Variants in PDE7B observed in about 807,000 individuals in gnomAD.
PDE7B encodes 3',5'-cyclic-AMP phosphodiesterase 7B.
In PDE7B, 29 loss-of-function variants were observed where a neutral mutation model predicts 56.2. That is an observed-to-expected ratio of 0.52 (90% CI 0.38 to 0.70). PDE7B has a LOEUF of 0.70. Ranked by LOEUF, PDE7B falls within the 30% of genes least tolerant of loss-of-function variation. PDE7B has a pLI of 0.00. For synonymous variants in PDE7B, 197 were observed against 196.9 expected (o/e 1.00, Z 0.00); for missense variants, 490 against 565.0 (o/e 0.87, Z 1.35).
At chr6:135,914,263 GT>G (rs1406690840) in intron 1 of PDE7B, among the ~76,000 whole-genome samples, 2 of 151,928 alleles carry the variant, frequency 1.3e-5, no homozygotes, top group African/African-American at 4.8e-5. Flanking sequence ...AATTCCTTGA[GT>G]TTTGACAAGC....
intron 1 of PDE7B, among the ~76,000 whole-genome samples, chr6:135,868,126 A>T (rs1381697841): frequency 6.6e-6 from 1 of 152,088 alleles, no homozygotes; most frequent in Non-Finnish European, 1.5e-5. Context: ...TGAATCCCAA[A>T]TTATGTCATT....
At chr6:136,012,192 T>C (rs1775907085) in intron 2 of PDE7B, among the ~76,000 whole-genome samples, 2 of 152,090 alleles carry the variant, frequency 1.3e-5, no homozygotes, top group South Asian at 4.1e-4. Context: ...TCCCACCCTT[T>C]GAATGCTCAG....
chr6:136,076,959 G>A (rs1045388177), intron 2 of PDE7B, among the ~76,000 whole-genome samples: 1 of 152,042 alleles, frequency 6.6e-6, no homozygotes, highest in Non-Finnish European at 1.5e-5. Flanking sequence ...TGTCTCTCTC[G>A]ACCCCTGACA....
At chr6:135,860,963 T>C (rs1775134361) in intron 1 of PDE7B, among the ~76,000 whole-genome samples, 1 of 151,888 alleles carries the variant, frequency 6.6e-6, no homozygotes, top group African/African-American at 2.4e-5. Flanking sequence ...TAGAACATTA[T>C]TACATGTTTG....
At chr6:135,903,653 T>C (rs534559134) in intron 1 of PDE7B, among the ~76,000 whole-genome samples, 5 of 152,282 alleles carry the variant, frequency 3.3e-5, no homozygotes, top group African/African-American at 1.2e-4. Flanking sequence ...ATGAACAAAT[T>C]GGGACATAAT....
chr6:135,853,038 C>T (rs995352984), intron 1 of PDE7B, among the ~76,000 whole-genome samples: 1 of 152,134 alleles, frequency 6.6e-6, no homozygotes, highest in Non-Finnish European at 1.5e-5. Context: ...CATTCCTATC[C>T]AAAGAGTCGG....
At position 136,149,161 on chromosome 6, in the gene PDE7B, C is replaced by T. The variant is rs2128447030; in HGVS notation, c.382+11C>T. On this transcript the variant is annotated intron_variant, in intron 5 of 12. Coordinates refer to ENST00000308191, the MANE Select transcript of PDE7B (RefSeq NM_018945.4). ...ATCGCTTGACAAATGGTAAGTTACC[C>T]AAAAGAATTCTCACTAAAATATACA... 6.4e-7 allele frequency: 1 copy of T among 1,569,574 alleles called. No homozygotes were observed. Among genetic ancestry groups the T allele is most frequent in the African/African-American group, 1.3e-5 (1 of 74,140 alleles).
intron 11 of PDE7B, among the ~76,000 whole-genome samples, chr6:136,182,557 C>G (rs1016410424): frequency 7.9e-5 from 12 of 152,228 alleles, no homozygotes; most frequent in African/African-American, 2.2e-4. Flanking sequence ...CTCTAGCCCA[C>G]TTGGTTTTGA....
At chr6:135,984,033 C>A (rs1289747638) in intron 2 of PDE7B, among the ~76,000 whole-genome samples, 1 of 152,194 alleles carries the variant, frequency 6.6e-6, no homozygotes, top group Non-Finnish European at 1.5e-5. Flanking sequence ...AAATGTGGTC[C>A]ATCTTTCTTC....
chr6:135,936,727 G>A (rs1189546747), intron 1 of PDE7B, among the ~76,000 whole-genome samples: 1 of 152,198 alleles, frequency 6.6e-6, no homozygotes, highest in Non-Finnish European at 1.5e-5. Context: ...TGAAGAGAGG[G>A]CATTTGTTCC....
At chr6:135,973,336 A>C (rs1370296379) in intron 2 of PDE7B, among the ~76,000 whole-genome samples, 2 of 152,058 alleles carry the variant, frequency 1.3e-5, no homozygotes, top group African/African-American at 4.8e-5. Flanking sequence ...ATAGTATTCC[A>C]TTGTATGCGT....
At chr6:135,857,974 G>T (rs899080236) in intron 1 of PDE7B, among the ~76,000 whole-genome samples, 2 of 151,842 alleles carry the variant, frequency 1.3e-5, no homozygotes, top group Non-Finnish European at 2.9e-5. Context: ...TACTTTTCTT[G>T]TATATACTTT....
At chr6:136,032,225 T>C (rs919173655) in intron 2 of PDE7B, among the ~76,000 whole-genome samples, 4 of 152,170 alleles carry the variant, frequency 2.6e-5, no homozygotes, top group African/African-American at 9.7e-5. Context: ...TGAAGATACA[T>C]GTTCACTACC....
chr6:136,153,480 A>G (rs1468555715), intron 6 of PDE7B, among the ~76,000 whole-genome samples: 1 of 152,184 alleles, frequency 6.6e-6, no homozygotes, highest in Non-Finnish European at 1.5e-5. Flanking sequence ...TAAGCCTTAC[A>G]TTAGACTGCA....
intron 1 of PDE7B, among the ~76,000 whole-genome samples, chr6:135,915,023 G>A (rs1430090685): frequency 2.0e-5 from 3 of 151,698 alleles, no homozygotes; most frequent in East Asian, 3.9e-4. Flanking sequence ...AACGCAGGAG[G>A]TGGAGGTTGC....
At chr6:136,067,117 C>T (rs1776953460) in intron 2 of PDE7B, among the ~76,000 whole-genome samples, 2 of 152,160 alleles carry the variant, frequency 1.3e-5, no homozygotes, top group Admixed American at 6.5e-5. Context: ...TCCCAAAATG[C>T]TGGAATTACA....
intron 8 of PDE7B, among the ~76,000 whole-genome samples, chr6:136,163,490 G>C (rs750882988): frequency 1.1e-4 from 17 of 152,244 alleles, no homozygotes; most frequent in Non-Finnish European, 2.1e-4. Context: ...CTCCAGGCCT[G>C]TGATGGTTCG....
In PDE7B at chr6:136,158,096, C is replaced by A. The variant is rs536960046; in HGVS notation, c.711+2338C>A. ...AGTATCAAAGGAAAAAATCACGTTA[C>A]ATAATATATAAGCTGAGCAAACCCA... On this transcript the variant is annotated intron_variant, in intron 8 of 12. Transcript: ENST00000308191. Among the ~76,000 whole-genome samples, 3 of 152,244 alleles carry A rather than the reference C, an allele frequency of 2.0e-5. No individual in the cohort carries two copies. In the South Asian group the frequency reaches 6.2e-4, roughly 32 times the overall value.
intron 1 of PDE7B, among the ~76,000 whole-genome samples, chr6:135,877,991 C>A (rs1251772005): frequency 2.0e-5 from 3 of 152,064 alleles, no homozygotes; most frequent in Non-Finnish European, 4.4e-5. Flanking sequence ...CTCCAACGTG[C>A]CACATGCAAT....
Sources: allele counts gnomAD v4.1 joint callset (sites outside exome capture counted in the v4.1 genomes callset), GRCh38; gene constraint gnomAD v4.1.1; transcripts MANE v1.5; gene names NCBI Gene and HGNC (gene_info 2026-07-23, HGNC 2026-07-21).